The following RIMS1 variants were observed in gnomAD, a reference collection of about 807,000 sequenced individuals.
RIMS1 encodes the protein regulating synaptic membrane exocytosis 1.
Under a neutral mutation model 214.1 loss-of-function variants are expected in RIMS1, and 83 were observed. That is an observed-to-expected ratio of 0.39 (90% CI 0.32 to 0.47). RIMS1 has a LOEUF of 0.47. RIMS1 is among the 20% of genes least tolerant of loss of function. The probability of loss-of-function intolerance (pLI) is 0.99; values close to 1 mark genes in which losing one functional copy is unlikely to be tolerated. For missense variants in RIMS1, 2,050 were observed against 2,161.8 expected, an observed-to-expected ratio of 0.95 and a Z score of 1.03; for synonymous variants, 793 against 786.8, an observed-to-expected ratio of 1.01 and a Z score of -0.13.
intron 22 of RIMS1, among the ~76,000 whole-genome samples, chr6:72,271,282 A>ATAT (rs751448635): frequency 4.5e-4 from 31 of 68,302 alleles, no homozygotes; most frequent in African/African-American, 1.2e-3. Context: ...AAAAAAAAAA[A>ATAT]AAAAATATAT....
At position 72,221,291 on chromosome 6, in the gene RIMS1, A is replaced by AGAGTGTGTGTGT. The variant is rs1554289629; in HGVS notation, c.1679-12481_1679-12480insAGTGTGTGTGTG. 2.0e-3 allele frequency among the ~76,000 whole-genome samples: 282 copies of AGAGTGTGTGTGT among 138,620 alleles called. 4 individuals are homozygous for AGAGTGTGTGTGT. Among genetic ancestry groups the AGAGTGTGTGTGT allele is most frequent in the African/African-American group, 6.7e-3 (257 of 38,086 alleles). The allele number at this position is 138,620 out of a possible 152,430, so 90.9% of individuals were successfully genotyped here. On this transcript the variant is annotated intron_variant, in intron 6 of 33. Coordinates refer to ENST00000521978, the MANE Select transcript of RIMS1 (RefSeq NM_014989.7). ...ATGGTAGGCCCAAAGATCTGGGGTGAGTGTGTGTGTGTGTGTGTGTGTGTG... is the reference window on the plus strand; with the variant it reads ...ATGGTAGGCCCAAAGATCTGGGGTGAGAGTGTGTGTGTGTGTGTGTGTGTGTGTGTGTGTGTG...
intron 1 of RIMS1, among the ~76,000 whole-genome samples, chr6:71,906,273 C>A (rs180948773): frequency 2.0e-4 from 31 of 152,224 alleles, no homozygotes; most frequent in Non-Finnish European, 3.2e-4. Flanking sequence ...TCACTTATAA[C>A]CTTTAGTGTT....
At chr6:72,027,938 A>G (rs1391954283) in intron 2 of RIMS1, among the ~76,000 whole-genome samples, 1 of 152,172 alleles carries the variant, frequency 6.6e-6, no homozygotes, top group Non-Finnish European at 1.5e-5. Context: ...TATTGGAGAC[A>G]TCCGTTTTCA....
At chr6:72,262,588 T>C (rs2078529300) in intron 19 of RIMS1, 1 of 962,236 alleles carries the variant, frequency 1.0e-6, no homozygotes, top group African/African-American at 1.8e-5. Flanking sequence ...AGTTCAAAAA[T>C]ACGTGCATGT....
intron 1 of RIMS1, among the ~76,000 whole-genome samples, chr6:71,903,767 T>G (rs1294489573): frequency 5.9e-5 from 9 of 151,960 alleles, no homozygotes; most frequent in Admixed American, 5.2e-4. Flanking sequence ...TGTGTTTTTT[T>G]TTTCCCTACA....
chr6:72,259,168 T>TATATTAAA, intron 18 of RIMS1, 57 bp downstream of exon 18: 2 of 1,479,590 alleles, frequency 1.4e-6, no homozygotes, highest in Non-Finnish European at 1.9e-6. Context: ...TTTTAATATA[T>TATATTAAA]ACAGATATTG....
At chr6:72,105,089 TA>T in intron 4 of RIMS1, among the ~76,000 whole-genome samples, 1 of 151,844 alleles carries the variant, frequency 6.6e-6, no homozygotes, top group South Asian at 2.1e-4. Context: ...TCTGGCTAAT[TA>T]AAAAAAATTT....
intron 29 of RIMS1, among the ~76,000 whole-genome samples, chr6:72,389,662 T>C (rs1172439407): frequency 6.6e-6 from 1 of 152,222 alleles, no homozygotes; most frequent in African/African-American, 2.4e-5. Flanking sequence ...ATATTATTAA[T>C]GGGTATTATA....
At chr6:72,024,605 T>C (rs2151960775) in intron 2 of RIMS1, among the ~76,000 whole-genome samples, 1 of 152,170 alleles carries the variant, frequency 6.6e-6, no homozygotes, top group African/African-American at 2.4e-5. Flanking sequence ...TTTTCAGGGG[T>C]CTGCAGATGA....
At chr6:72,038,118 A>AAAAAAT (rs1820399900) in intron 2 of RIMS1, among the ~76,000 whole-genome samples, 7 of 13,422 alleles carry the variant, frequency 5.2e-4, no homozygotes, top group Non-Finnish European at 6.0e-4. Flanking sequence ...AAAAAAAAAA[A>AAAAAAT]ATATATATAT....
At chr6:71,896,180 AT>A (rs1479195007) in intron 1 of RIMS1, among the ~76,000 whole-genome samples, 2 of 152,210 alleles carry the variant, frequency 1.3e-5, no homozygotes, top group Non-Finnish European at 2.9e-5. Context: ...TTCTAATTTT[AT>A]ATTATTCATG....
At chr6:72,119,531 C>T (rs1390405735) in intron 4 of RIMS1, among the ~76,000 whole-genome samples, 1 of 151,766 alleles carries the variant, frequency 6.6e-6, no homozygotes, top group East Asian at 1.9e-4. Context: ...CTGGAAGCAT[C>T]ACATTACCCA....
At chr6:72,383,044 CAAA>C (rs1274883067) in intron 29 of RIMS1, among the ~76,000 whole-genome samples, 2 of 152,140 alleles carry the variant, frequency 1.3e-5, no homozygotes, top group African/African-American at 2.4e-5. Context: ...GGAACTGAAA[CAAA>C]GAAGAAGATT....
At chr6:72,197,524 C>G (rs571647566) in intron 6 of RIMS1, among the ~76,000 whole-genome samples, 1 of 152,028 alleles carries the variant, frequency 6.6e-6, no homozygotes, top group Non-Finnish European at 1.5e-5. Flanking sequence ...GTGTAAAATA[C>G]TTTTTTAAGT....
intron 2 of RIMS1, among the ~76,000 whole-genome samples, chr6:72,089,069 A>G (rs1316678318): frequency 6.6e-6 from 1 of 152,132 alleles, no homozygotes; most frequent in Admixed American, 6.5e-5. Flanking sequence ...AAGCAATTTG[A>G]CATAGATTAG....
chr6:72,151,953 A>G (rs1297706683), intron 4 of RIMS1, among the ~76,000 whole-genome samples: 1 of 152,144 alleles, frequency 6.6e-6, no homozygotes, highest in Non-Finnish European at 1.5e-5. Context: ...ACATGGCCAG[A>G]TTGAGAACAA....
intron 29 of RIMS1, among the ~76,000 whole-genome samples, chr6:72,360,154 TACTC>T (rs1248133307): frequency 6.6e-6 from 1 of 152,208 alleles, no homozygotes; most frequent in East Asian, 1.9e-4. Context: ...AGTTTCTGCT[TACTC>T]ACTGAGTGAC....
intron 28 of RIMS1, among the ~76,000 whole-genome samples, chr6:72,327,158 A>G (rs2096501690): frequency 6.6e-6 from 1 of 151,812 alleles, no homozygotes; most frequent in Admixed American, 6.6e-5. Context: ...AAAATACATA[A>G]AATAATGATG....
At chr6:72,217,952 A>T (rs1186361677) in intron 6 of RIMS1, among the ~76,000 whole-genome samples, 1 of 151,692 alleles carries the variant, frequency 6.6e-6, no homozygotes, top group Non-Finnish European at 1.5e-5. Flanking sequence ...TTGGAAAAAG[A>T]CTCTCCTGTT....
Sources: allele counts gnomAD v4.1 joint callset (sites outside exome capture counted in the v4.1 genomes callset), GRCh38; gene constraint gnomAD v4.1.1; transcripts MANE v1.5; gene names NCBI Gene and HGNC (gene_info 2026-07-23, HGNC 2026-07-21).